The following TRERF1 variants were observed in gnomAD, a reference collection of about 807,000 sequenced individuals.
The protein encoded by TRERF1 is transcriptional regulating factor 1, also known as transcriptional-regulating factor 1.
In TRERF1, 27 loss-of-function variants were observed where a neutral mutation model predicts 122.9. The observed-to-expected ratio is 0.22, with a 90% confidence interval of 0.16 to 0.30. TRERF1 has a LOEUF of 0.30. TRERF1 is among the 10% of genes least tolerant of loss of function. The probability of loss-of-function intolerance (pLI) is 1.00; values close to 1 mark genes in which losing one functional copy is unlikely to be tolerated. For synonymous variants in TRERF1, 636 were observed against 641.7 expected (o/e 0.99, Z 0.13); for missense variants, 1,248 against 1,560.3 (o/e 0.80, Z 3.37).
At chr6:42,277,066 G>A (rs6921375) in intron 4 of TRERF1, among the ~76,000 whole-genome samples, 6,650 of 152,058 alleles carry the variant, frequency 0.044, 478 homozygotes, top group African/African-American at 0.15. Context: ...CTTTAACATC[G>A]TCTCCCCCCT....
intron 2 of TRERF1, among the ~76,000 whole-genome samples, chr6:42,384,015 C>T (rs915325408): frequency 1.3e-5 from 2 of 151,592 alleles, no homozygotes; most frequent in Non-Finnish European, 2.9e-5. Context: ...ATGTCTCATT[C>T]ATTGATGGTT....
chr6:42,325,966 T>C (rs1425654185), intron 3 of TRERF1, among the ~76,000 whole-genome samples: 1 of 152,120 alleles, frequency 6.6e-6, no homozygotes, highest in African/African-American at 2.4e-5. Context: ...TTCTCACTTA[T>C]GAGTGGGAGC....
intron 10 of TRERF1, among the ~76,000 whole-genome samples, chr6:42,257,662 C>CA (rs1777024052): frequency 6.6e-6 from 1 of 152,196 alleles, no homozygotes; most frequent in Non-Finnish European, 1.5e-5. Context: ...ACCACTCTAC[C>CA]ACCTGGCCTC....
At chr6:42,384,730 C>A (rs959485974) in intron 2 of TRERF1, among the ~76,000 whole-genome samples, 5 of 152,122 alleles carry the variant, frequency 3.3e-5, no homozygotes, top group African/African-American at 1.2e-4. Flanking sequence ...AATTTTAAAT[C>A]CTCTATTCCT....
Position 42,269,650 on chromosome 6 carries a change from A to G in TRERF1, c.-60T>C. ...AACCATAAAAAAGGTAAATAAAACAAACCCAAAAGGACTGAAACCCTGAGA... is the reference window on the plus strand; with the variant it reads ...AACCATAAAAAAGGTAAATAAAACAGACCCAAAAGGACTGAAACCCTGAGA... On this transcript the variant is annotated 5_prime_UTR_variant, in exon 5 of 18. Transcript: ENST00000372922. The surrounding 1 kb of genome is among the most constrained non-coding windows in gnomAD (Gnocchi z 4.9). The G allele has an allele frequency of 1.0e-5, 16 of 1,563,970 alleles. No homozygotes were observed. The highest frequency in any genetic ancestry group is 1.4e-5 in the Non-Finnish European group (16 of 1,154,610).
intron 2 of TRERF1, among the ~76,000 whole-genome samples, chr6:42,405,802 A>AT (rs984276082): frequency 3.3e-5 from 5 of 150,874 alleles, no homozygotes; most frequent in East Asian, 1.9e-4. Flanking sequence ...CTCAAAAAAA[A>AT]AAAAATTAAA....
At chr6:42,311,609 A>G (rs1761653793) in intron 3 of TRERF1, among the ~76,000 whole-genome samples, 1 of 151,730 alleles carries the variant, frequency 6.6e-6, no homozygotes, top group South Asian at 2.1e-4. Context: ...CTAAAAATAC[A>G]AAAAAAATTA....
In TRERF1 at chr6:42,232,262, G is replaced by C. The variant is rs1417521778; in HGVS notation, c.3278+419C>G. 6.6e-6 allele frequency among the ~76,000 whole-genome samples: 1 copy of C among 152,206 alleles called. No homozygotes were observed. Among genetic ancestry groups the C allele is most frequent in the Non-Finnish European group, 1.5e-5 (1 of 68,036 alleles). Reference sequence around the variant, plus strand: ...GTCACAGAAGTAAGCGAAGGTGGTAGGATTACCCTGTATGAGCCATCTGTG... The same window carrying C: ...GTCACAGAAGTAAGCGAAGGTGGTACGATTACCCTGTATGAGCCATCTGTG... On this transcript the variant is annotated intron_variant, in intron 17 of 17. Coordinates refer to ENST00000372922, the Ensembl canonical transcript of TRERF1. The surrounding 1 kb of genome is among the most constrained non-coding windows in gnomAD (Gnocchi z 4.5).
rs966508258 is a variant in TRERF1, at chr6:42,276,306, G to C, written c.-258-6458C>G. On this transcript the variant is annotated intron_variant, in intron 4 of 17. Transcript: ENST00000372922. The surrounding 1 kb of genome is among the most constrained non-coding windows in gnomAD (Gnocchi z 4.3). The stretch of plus-strand genomic sequence containing the variant: ...ACTTGTTTGCTTACAATTCAGAAGG[G>C]GTAACACCCTGCTCCGGCCAGACCA... 1.3e-5 allele frequency among the ~76,000 whole-genome samples: 2 copies of C among 152,202 alleles called. No individual in the cohort carries two copies. Among genetic ancestry groups the C allele is most frequent in the South Asian group, 4.1e-4 (2 of 4,824 alleles).
At chr6:42,242,525 AAGG>A (rs1192433022) in intron 15 of TRERF1, among the ~76,000 whole-genome samples, 2 of 152,240 alleles carry the variant, frequency 1.3e-5, no homozygotes, top group Admixed American at 6.5e-5. Context: ...AGAGTGTGAA[AAGG>A]AGATTTCCCA....
intron 2 of TRERF1, among the ~76,000 whole-genome samples, chr6:42,396,241 T>C (rs1778559474): frequency 6.6e-6 from 1 of 152,182 alleles, no homozygotes; most frequent in Non-Finnish European, 1.5e-5. Flanking sequence ...TGTGTGACTT[T>C]ACTATCCAGC....
chr6:42,367,215 C>G lies in TRERF1; in HGVS notation c.-453-4136G>C, dbSNP rs189683892. Among the ~76,000 whole-genome samples, 19 of 152,294 alleles carry G rather than the reference C, an allele frequency of 1.2e-4. No homozygotes were observed. The East Asian group carries it at 3.7e-3, about 29-fold the overall frequency. On this transcript the variant is annotated intron_variant, in intron 2 of 17. Transcript: ENST00000372922. ...CACACTCAGTGTTGCTCCCCTCCCC[C>G]TTTCCAGCCTTCAGACCTCACAGCT...
In TRERF1 at chr6:42,268,069, C is replaced by T; in HGVS notation, c.1437+85G>A. The T allele has an allele frequency of 7.4e-7, 1 of 1,349,584 alleles. No individual in the cohort carries two copies. Among genetic ancestry groups the T allele is most frequent in the Non-Finnish European group, 9.6e-7 (1 of 1,040,886 alleles). 83.6% of individuals were successfully genotyped at this position (1,349,584 alleles called of 1,614,324 possible). On this transcript the variant is annotated intron_variant, in intron 5 of 17. Transcript: ENST00000372922. The surrounding 1 kb of genome is among the most constrained non-coding windows in gnomAD (Gnocchi z 4.4). ...GTAAAGAACAAAAGGGTTGAGGGGG[C>T]TTGGAGAGAGGATTGAGCACTGCAG... is the stretch of plus-strand genomic sequence containing the variant.
At chr6:42,364,752 G>A (rs1270753340) in intron 2 of TRERF1, among the ~76,000 whole-genome samples, 1 of 152,206 alleles carries the variant, frequency 6.6e-6, no homozygotes, top group African/African-American at 2.4e-5. Context: ...CCCCACCAGT[G>A]GAGGCCAGCC....
chr6:42,324,226 A>T lies in TRERF1; in HGVS notation c.-370-23477T>A, dbSNP rs374630486. Among the ~76,000 whole-genome samples the T allele has an allele frequency of 1.8e-4, 27 of 152,342 alleles. No individual in the cohort carries two copies. The East Asian group carries it at 2.3e-3, about 13-fold the overall frequency. The stretch of plus-strand genomic sequence containing the variant: ...GAGGTGAAATATCTCTACAAGAACT[A>T]CAAAACATTGCTGAACAAAATTATA... On this transcript the variant is annotated intron_variant, in intron 3 of 17. Transcript: ENST00000372922.
Position 42,259,717 on chromosome 6 carries a change from G to T in TRERF1, c.1891C>A (p.Pro631Thr). The T allele has an allele frequency of 5.0e-6, 8 of 1,602,058 alleles. No homozygotes were observed. The highest frequency in any genetic ancestry group is 6.8e-6 in the Non-Finnish European group (8 of 1,179,916). The change falls in exon 9 of 18, where the codon CCC becomes ACC. Residue 631 changes from proline to threonine, a missense_variant. Pro to Thr is a conservative substitution (Grantham distance 38). Around this residue, in one of 5 missense-constraint regions of TRERF1, gnomAD observed 946 missense variants for 1,073.0 expected, o/e 0.88. Transcript: ENST00000372922. The surrounding 1 kb of genome is among the most constrained non-coding windows in gnomAD (Gnocchi z 4.9). The stretch of plus-strand genomic sequence containing the variant: ...GGCACACTCGGCTGATGCTTCCTGG[G>T]GATTTCCTAAAACCGGAACAACGAT...
intron 15 of TRERF1, among the ~76,000 whole-genome samples, chr6:42,241,831 G>A (rs1773785315): frequency 6.6e-6 from 1 of 152,122 alleles, no homozygotes; most frequent in Admixed American, 6.6e-5. Flanking sequence ...TTACAGGGGT[G>A]AGCCTGTAAT....
chr6:42,284,804 TG>T, intron 4 of TRERF1, among the ~76,000 whole-genome samples: 1 of 152,204 alleles, frequency 6.6e-6, no homozygotes, highest in Non-Finnish European at 1.5e-5. Flanking sequence ...TAGATGTCTC[TG>T]AACTATGCCG....
chr6:42,228,732 G>A lies in TRERF1; in HGVS notation c.3279-63C>T. 6.7e-7 allele frequency: 1 copy of A among 1,491,078 alleles called. No homozygotes were observed. Among genetic ancestry groups the A allele is most frequent in the Non-Finnish European group, 9.0e-7 (1 of 1,112,542 alleles). The allele number at this position is 1,491,078 out of a possible 1,614,324, so 92.4% of individuals were successfully genotyped here. ...GGAGATCTGAGTTCTTGGAAATCCA[G>A]GTGTCCTACGGGGAATGGGGGTGTG... On this transcript the variant is annotated intron_variant, in intron 17 of 17. Coordinates refer to ENST00000372922, the Ensembl canonical transcript of TRERF1. This position sits in a 1 kb window ranked among gnomAD's most constrained non-coding sequence, Gnocchi z 4.2.
Sources: allele counts gnomAD v4.1 joint callset (sites outside exome capture counted in the v4.1 genomes callset), GRCh38; gene constraint gnomAD v4.1.1; regional missense constraint gnomAD v4.1.1; non-coding constraint Gnocchi (gnomAD v3.1); transcripts MANE v1.5; gene names NCBI Gene and HGNC (gene_info 2026-07-23, HGNC 2026-07-21).